INPP5A: variants seen among roughly 807,000 people sequenced by gnomAD.
INPP5A encodes the protein inositol polyphosphate-5-phosphatase A.
Under a neutral mutation model 65.2 loss-of-function variants are expected in INPP5A, and 14 were observed. The observed-to-expected ratio is 0.21, with a 90% CI of 0.14 to 0.34. The LOEUF is 0.34. Among genes scored for constraint, INPP5A ranks in the 10% least tolerant of loss-of-function variants. The pLI, the probability that INPP5A is intolerant of heterozygous loss-of-function variation, is 1.00. For missense variants in INPP5A, 431 were observed against 545.6 expected, an observed-to-expected ratio of 0.79 and a Z score of 2.09; for synonymous variants, 207 against 208.3, an observed-to-expected ratio of 0.99 and a Z score of 0.05.
intron 1 of INPP5A, among the ~76,000 whole-genome samples, chr10:132,543,386 T>C (rs2070931273): frequency 6.6e-6 from 1 of 152,156 alleles, no homozygotes; most frequent in Non-Finnish European, 1.5e-5. Flanking sequence ...TGCTGCAGCG[T>C]GCGTCAGTCC....
intron 2 of INPP5A, among the ~76,000 whole-genome samples, chr10:132,610,151 G>A (rs1308709312): frequency 6.6e-6 from 1 of 152,162 alleles, no homozygotes; most frequent in African/African-American, 2.4e-5. Flanking sequence ...CCTCACACCA[G>A]GCAGTGGCCA....
At chr10:132,553,466 T>C (rs1465483882) in intron 1 of INPP5A, among the ~76,000 whole-genome samples, 4 of 144,204 alleles carry the variant, frequency 2.8e-5, no homozygotes, top group Non-Finnish European at 6.0e-5. Flanking sequence ...TGGTGGAATA[T>C]TGAGTAGGAT....
chr10:132,597,813 A>G (rs2071724894), intron 1 of INPP5A, among the ~76,000 whole-genome samples: 1 of 141,226 alleles, frequency 7.1e-6, no homozygotes, highest in African/African-American at 2.6e-5. Context: ...ACGCGTAGTG[A>G]CCCTGGGCCT....
intron 9 of INPP5A, among the ~76,000 whole-genome samples, chr10:132,747,566 C>T (rs891440674): frequency 2.6e-5 from 4 of 152,236 alleles, no homozygotes; most frequent in Non-Finnish European, 4.4e-5. Context: ...ACAGGAAGGC[C>T]GGGCACCGGC....
chr10:132,613,809 C>T (rs2071992514), intron 2 of INPP5A, among the ~76,000 whole-genome samples: 1 of 152,210 alleles, frequency 6.6e-6, no homozygotes. Flanking sequence ...TGACCAGAGC[C>T]CACTGTGCCA....
At chr10:132,665,239 A>G (rs2072787228) in intron 4 of INPP5A, among the ~76,000 whole-genome samples, 1 of 152,230 alleles carries the variant, frequency 6.6e-6, no homozygotes, top group Non-Finnish European at 1.5e-5. Flanking sequence ...TCTCCCAGAC[A>G]GCGCACCCCG....
chr10:132,592,675 C>T (rs576361344), intron 1 of INPP5A, among the ~76,000 whole-genome samples: 4 of 152,252 alleles, frequency 2.6e-5, no homozygotes, highest in South Asian at 2.1e-4. Flanking sequence ...CCAAAGTGCT[C>T]GGATCACAGG....
chr10:132,589,429 T>C (rs2071589382), intron 1 of INPP5A, among the ~76,000 whole-genome samples: 1 of 152,168 alleles, frequency 6.6e-6, no homozygotes, highest in Admixed American at 6.5e-5. Context: ...ACCCTGAGGG[T>C]CCCTTTGCCA....
chr10:132,779,324 G>T (rs924822941), intron 13 of INPP5A, among the ~76,000 whole-genome samples: 1 of 152,266 alleles, frequency 6.6e-6, no homozygotes, highest in Non-Finnish European at 1.5e-5. Flanking sequence ...GCTGAGAGCG[G>T]GTCAGGCATG....
At chr10:132,552,061 G>C (rs2071058806) in intron 1 of INPP5A, among the ~76,000 whole-genome samples, 1 of 152,262 alleles carries the variant, frequency 6.6e-6, no homozygotes, top group Non-Finnish European at 1.5e-5. Flanking sequence ...TCACTCGGGA[G>C]CATTTATGGG....
rs1262220612 is a variant in INPP5A, at chr10:132,762,558, C to G, written c.904-3215C>G. ...AAGACAGTACCTGGCGATGGAGAGACACAGCCCCACCAGCAGGTCCCACAG... is the reference window on the plus strand; with the variant it reads ...AAGACAGTACCTGGCGATGGAGAGAGACAGCCCCACCAGCAGGTCCCACAG... On this transcript the variant is annotated intron_variant, in intron 11 of 15. Transcript: ENST00000368594. This position sits in a 1 kb window ranked among gnomAD's most constrained non-coding sequence, Gnocchi z 4.6. Among the ~76,000 whole-genome samples, 2 of 152,160 alleles carry G rather than the reference C, an allele frequency of 1.3e-5. No homozygotes were observed. The highest frequency in any genetic ancestry group is 1.9e-4 in the East Asian group (1 of 5,194).
At chr10:132,610,575 G>A (rs769432078) in intron 2 of INPP5A, among the ~76,000 whole-genome samples, 7 of 152,234 alleles carry the variant, frequency 4.6e-5, no homozygotes, top group Non-Finnish European at 7.3e-5. Flanking sequence ...CAGCCAGCTC[G>A]CTGCAGGGCG....
chr10:132,578,557 TGGAGGGGCTCTGTCAGGAGAGTGTGC>T (rs2071438413), intron 1 of INPP5A, among the ~76,000 whole-genome samples: 1 of 147,910 alleles, frequency 6.8e-6, no homozygotes, highest in African/African-American at 2.5e-5. Context: ...GTGCGGGGAC[TGGAGGGGCTCTGTCAGGAGAGTGTGC>T]GGGGGCTGGA....
chr10:132,715,419 C>T (rs1341476240), intron 8 of INPP5A, among the ~76,000 whole-genome samples: 1 of 152,188 alleles, frequency 6.6e-6, no homozygotes, highest in African/African-American at 2.4e-5. Context: ...TATGTCCAGT[C>T]AAAAGAGTTG....
intron 2 of INPP5A, among the ~76,000 whole-genome samples, chr10:132,621,962 A>G (rs187945296): frequency 6.6e-6 from 1 of 152,340 alleles, no homozygotes; most frequent in African/African-American, 2.4e-5. Context: ...AAAGGAAGAA[A>G]TAGAACTTTA....
Position 132,550,589 on chromosome 10 carries a change from A to T in INPP5A, c.75+12418A>T, listed in dbSNP as rs527970862. Among the ~76,000 whole-genome samples, 7 of 152,302 alleles carry T rather than the reference A, an allele frequency of 4.6e-5. No individual in the cohort carries two copies. The highest frequency in any genetic ancestry group is 2.0e-4 in the Admixed American group (3 of 15,308). On this transcript the variant is annotated intron_variant, in intron 1 of 15. Coordinates refer to ENST00000368594, the MANE Select transcript of INPP5A (RefSeq NM_005539.5). The surrounding 1 kb of genome is among the most constrained non-coding windows in gnomAD (Gnocchi z 4.2). Reference sequence around the variant, plus strand: ...GCCTGGCTGTGAGCCGCATGGTACGAACCTTCTGAATGCAAGTGGCCAAGC... The same window carrying T: ...GCCTGGCTGTGAGCCGCATGGTACGTACCTTCTGAATGCAAGTGGCCAAGC...
intron 6 of INPP5A, among the ~76,000 whole-genome samples, chr10:132,699,408 C>T (rs1406235126): frequency 1.3e-5 from 2 of 151,954 alleles, no homozygotes. Context: ...CACCTGATGG[C>T]ATGAGGAGAG....
intron 4 of INPP5A, among the ~76,000 whole-genome samples, chr10:132,667,788 G>A (rs749613796): frequency 6.6e-6 from 1 of 152,162 alleles, no homozygotes; most frequent in South Asian, 2.1e-4. Context: ...TGCGCTGCCC[G>A]GCGCGAGCCG....
intron 1 of INPP5A, among the ~76,000 whole-genome samples, chr10:132,541,626 T>C (rs2070907904): frequency 1.3e-5 from 2 of 152,208 alleles, no homozygotes; most frequent in Non-Finnish European, 2.9e-5. Flanking sequence ...AATACATAGC[T>C]CACTGCACTA....
Sources: allele counts gnomAD v4.1 joint callset (sites outside exome capture counted in the v4.1 genomes callset), GRCh38; gene constraint gnomAD v4.1.1; non-coding constraint Gnocchi (gnomAD v3.1); transcripts MANE v1.5; gene names NCBI Gene and HGNC (gene_info 2026-07-23, HGNC 2026-07-21).